Variants in SLC4A1AP observed in about 807,000 individuals in gnomAD.
SLC4A1AP encodes kanadaptin.
In SLC4A1AP, 64 loss-of-function variants were observed where a neutral mutation model predicts 89.7. The ratio of observed to expected loss-of-function variants is 0.71; its 90% CI spans 0.58 to 0.88. SLC4A1AP has a LOEUF of 0.88. Ranked by LOEUF, SLC4A1AP falls within the 40% of genes least tolerant of loss-of-function variation. The pLI is 0.00. For synonymous variants in SLC4A1AP, 366 were observed against 353.3 expected (o/e 1.04, Z -0.40); for missense variants, 931 against 965.0 (o/e 0.96, Z 0.47).
intron 8 of SLC4A1AP, among the ~76,000 whole-genome samples, chr2:27,680,987 T>A (rs1675610389): frequency 6.6e-6 from 1 of 152,122 alleles, no homozygotes; most frequent in Admixed American, 6.6e-5. Flanking sequence ...CTCTTTTCAC[T>A]TATGGGTTGA....
At chr2:27,691,295 T>C (rs564285000) in intron 12 of SLC4A1AP, among the ~76,000 whole-genome samples, 7 of 152,250 alleles carry the variant, frequency 4.6e-5, no homozygotes, top group African/African-American at 1.7e-4. Context: ...TTCCAGGAAT[T>C]TATCCATTTC....
chr2:27,685,386 T>A, intron 10 of SLC4A1AP, 109 bp downstream of exon 10: 1 of 1,361,698 alleles, frequency 7.3e-7, no homozygotes. Context: ...ACTTTGTATG[T>A]GATATACTGA....
At chr2:27,683,758 GAGAC>G (rs1476984246) in intron 9 of SLC4A1AP, among the ~76,000 whole-genome samples, 2 of 151,940 alleles carry the variant, frequency 1.3e-5, no homozygotes, top group African/African-American at 4.8e-5. Flanking sequence ...GTTTCATTGA[GAGAC>G]AGTCTCACAC....
intron 5 of SLC4A1AP, among the ~76,000 whole-genome samples, chr2:27,673,550 A>C (rs925832551): frequency 6.6e-6 from 1 of 150,964 alleles, no homozygotes; most frequent in African/African-American, 2.4e-5. Flanking sequence ...TGCAGCATCA[A>C]CTTCCGGGGC....
At chr2:27,683,509 G>C (rs996980551) in intron 9 of SLC4A1AP, among the ~76,000 whole-genome samples, 20 of 152,126 alleles carry the variant, frequency 1.3e-4, no homozygotes, top group African/African-American at 3.6e-4. Flanking sequence ...TTGCACTCCT[G>C]GTGTCTCTTC....
At chr2:27,675,644 G>C in exon 6 of SLC4A1AP, 1 of 1,604,582 alleles carries the variant, frequency 6.2e-7, no homozygotes, top group Non-Finnish European at 8.5e-7. Flanking sequence ...TGAACAGAAT[G>C]AAGAAGGCTG....
intron 4 of SLC4A1AP, 114 bp from the exon 5 acceptor site, chr2:27,669,134 T>C (rs1258259772): frequency 2.5e-6 from 3 of 1,197,142 alleles, no homozygotes; most frequent in Non-Finnish European, 3.5e-6. Flanking sequence ...ACAAGATGGA[T>C]TCAAAGACTG....
chr2:27,670,922 C>CTTTTTTTTTTTTTTTTTTT (rs34481114), intron 5 of SLC4A1AP, among the ~76,000 whole-genome samples: 1 of 111,848 alleles, frequency 8.9e-6, no homozygotes. Context: ...CTTTTCTTTT[C>CTTTTTTTTTTTTTTTTTTT]TTTTTTTTTT....
At chr2:27,683,220 C>T (rs1675648574) in intron 9 of SLC4A1AP, among the ~76,000 whole-genome samples, 1 of 152,146 alleles carries the variant, frequency 6.6e-6, no homozygotes, top group African/African-American at 2.4e-5. Context: ...TTTATGATTT[C>T]CCTGCTACCC....
intron 9 of SLC4A1AP, among the ~76,000 whole-genome samples, chr2:27,683,124 G>A (rs1187902225): frequency 6.6e-6 from 1 of 152,100 alleles, no homozygotes. Context: ...TACAAATGAG[G>A]AAATAGAGTC....
chr2:27,677,426 G>C lies in SLC4A1AP; in HGVS notation c.1576+62G>C. The C allele has an allele frequency of 3.6e-6, 4 of 1,096,582 alleles. 1 individual carries two copies. The South Asian group carries it at 5.3e-5, about 15-fold the overall frequency. 67.9% of individuals were successfully genotyped at this position (1,096,582 alleles called of 1,614,324 possible). On this transcript the variant is annotated intron_variant, in intron 7 of 13. Transcript: ENST00000613058. ...TATAGTGCTCTATGCTAGGCACTGG[G>C]GCTACATTAGTTAATAAGAAATACC...
chr2:27,666,422 G>A (rs931487251), intron 2 of SLC4A1AP, among the ~76,000 whole-genome samples: 20 of 138,736 alleles, frequency 1.4e-4, no homozygotes, highest in African/African-American at 4.7e-4. Context: ...GTGAGCGATC[G>A]CACTCCACAG....
intron 3 of SLC4A1AP, among the ~76,000 whole-genome samples, chr2:27,668,406 A>G (rs1455426975): frequency 6.6e-6 from 1 of 151,990 alleles, no homozygotes; most frequent in African/African-American, 2.4e-5. Context: ...CATCTCGGCC[A>G]TCCAAAGTGC....
chr2:27,668,916 C>T lies in SLC4A1AP; in HGVS notation c.1205+13C>T. 1 of 1,612,188 alleles carries T rather than the reference C, an allele frequency of 6.2e-7. No homozygotes were observed. Among genetic ancestry groups the T allele is most frequent in the Non-Finnish European group, 8.5e-7 (1 of 1,178,796 alleles). On this transcript the variant is annotated intron_variant, in intron 4 of 13. Coordinates refer to ENST00000613058, the Ensembl canonical transcript of SLC4A1AP. The stretch of plus-strand genomic sequence containing the variant: ...TCTGCAGGGTGAGGTATGCTCTTTT[C>T]TTATTAATGTTCTTTTCTGGAAAAT...
chr2:27,681,956 A>G (rs2148137436), intron 8 of SLC4A1AP, among the ~76,000 whole-genome samples: 1 of 152,322 alleles, frequency 6.6e-6, no homozygotes, highest in East Asian at 1.9e-4. Flanking sequence ...CTCCTTTGCC[A>G]GTGACCTTTG....
chr2:27,681,728 T>C (rs1473074943), intron 8 of SLC4A1AP, among the ~76,000 whole-genome samples: 1 of 152,214 alleles, frequency 6.6e-6, no homozygotes, highest in African/African-American at 2.4e-5. Flanking sequence ...CCGTTGAGAA[T>C]GTTGACAGGC....
At chr2:27,666,619 G>C (rs76734592) in intron 2 of SLC4A1AP, among the ~76,000 whole-genome samples, 69 of 152,126 alleles carry the variant, frequency 4.5e-4, no homozygotes, top group East Asian at 4.4e-3. Flanking sequence ...AGTTAGATAT[G>C]AGTGTGAGAG....
intron 5 of SLC4A1AP, among the ~76,000 whole-genome samples, chr2:27,672,370 T>C (rs1675438779): frequency 1.3e-5 from 2 of 152,142 alleles, no homozygotes; most frequent in South Asian, 4.1e-4. Context: ...TTCTGTCTTC[T>C]CTATTTTGCC....
At chr2:27,669,492 T>G in intron 5 of SLC4A1AP, 105 bp downstream of exon 5, 3 of 1,196,928 alleles carry the variant, frequency 2.5e-6, no homozygotes, top group East Asian at 5.0e-5. Flanking sequence ...TGTACAAAAT[T>G]TTTTGAAGTG....
Sources: allele counts gnomAD v4.1 joint callset (sites outside exome capture counted in the v4.1 genomes callset), GRCh38; gene constraint gnomAD v4.1.1; transcripts MANE v1.5; gene names NCBI Gene and HGNC (gene_info 2026-07-23, HGNC 2026-07-21).